GAP43: variants seen among roughly 807,000 people sequenced by gnomAD.
GAP43 encodes growth associated protein 43, also known as neuromodulin.
In GAP43, 6 loss-of-function variants were observed where a neutral mutation model predicts 18.6. That is an observed-to-expected ratio of 0.32 (90% CI 0.18 to 0.64). The LOEUF (loss-of-function observed/expected upper bound fraction) is 0.64, where lower values mean the gene tolerates loss of function less well. GAP43 is among the 30% of genes least tolerant of loss of function. GAP43 has a pLI of 0.78. For missense variants in GAP43, 292 were observed against 295.5 expected, an observed-to-expected ratio of 0.99 and a Z score of 0.09; for synonymous variants, 115 against 111.4, an observed-to-expected ratio of 1.03 and a Z score of -0.20.
intron 2 of GAP43, among the ~76,000 whole-genome samples, chr3:115,688,089 T>C (rs1391752979): frequency 6.6e-6 from 1 of 152,152 alleles, no homozygotes; most frequent in Non-Finnish European, 1.5e-5. Context: ...CAATCTTGGC[T>C]CACCGCAACC....
chr3:115,647,004 T>A (rs1217620190), intron 1 of GAP43, among the ~76,000 whole-genome samples: 1 of 152,010 alleles, frequency 6.6e-6, no homozygotes, highest in Non-Finnish European at 1.5e-5. Flanking sequence ...TGCTATGATT[T>A]GAATGTTAGT....
intron 1 of GAP43, among the ~76,000 whole-genome samples, chr3:115,630,260 G>T (rs1049523290): frequency 6.6e-6 from 1 of 152,162 alleles, no homozygotes; most frequent in Non-Finnish European, 1.5e-5. Context: ...GTGCTTAGGT[G>T]TGTGTGCTCA....
intron 1 of GAP43, among the ~76,000 whole-genome samples, chr3:115,668,510 C>T (rs546767104): frequency 1.1e-4 from 17 of 152,218 alleles, no homozygotes; most frequent in African/African-American, 3.4e-4. Flanking sequence ...TCGCAACCTC[C>T]GCCTCCTGGG....
chr3:115,657,545 GGTC>G (rs1708598570), intron 1 of GAP43, among the ~76,000 whole-genome samples: 1 of 152,094 alleles, frequency 6.6e-6, no homozygotes, highest in African/African-American at 2.4e-5. Context: ...AACCAGATAA[GGTC>G]ACTGCCCTTA....
intron 2 of GAP43, among the ~76,000 whole-genome samples, chr3:115,678,052 C>A (rs1050333810): frequency 1.3e-5 from 2 of 152,172 alleles, no homozygotes; most frequent in African/African-American, 4.8e-5. Flanking sequence ...ACACAACTGT[C>A]CCAGGGGCCA....
At chr3:115,681,644 G>C (rs1028933156) in intron 2 of GAP43, among the ~76,000 whole-genome samples, 5 of 152,150 alleles carry the variant, frequency 3.3e-5, no homozygotes, top group African/African-American at 1.2e-4. Flanking sequence ...GACTACGATA[G>C]TTGGTTTTTA....
rs1352802280 is a variant in GAP43 at position 115,644,035 on chromosome 3, C to G, written c.30+20316C>G. ...TTTCCTTAATCTGAACCAGCAGTAA[C>G]CCATATATTTCTTTCAACCTAGCTG... On this transcript the variant is annotated intron_variant, in intron 1 of 2. Coordinates refer to ENST00000305124, the MANE Select transcript of GAP43 (RefSeq NM_002045.4). The surrounding 1 kb of genome is among the most constrained non-coding windows in gnomAD (Gnocchi z 4.2). Among the ~76,000 whole-genome samples the G allele has an allele frequency of 1.3e-5, 2 of 152,022 alleles. No homozygotes were observed. The highest frequency in any genetic ancestry group is 2.4e-5 in the African/African-American group (1 of 41,430).
chr3:115,684,338 C>A (rs1709007218), intron 2 of GAP43, among the ~76,000 whole-genome samples: 1 of 152,076 alleles, frequency 6.6e-6, no homozygotes, highest in Non-Finnish European at 1.5e-5. Flanking sequence ...ATGTGTGTGT[C>A]TCTCAGATAA....
chr3:115,713,903 G>A (rs1307412092), intron 2 of GAP43, among the ~76,000 whole-genome samples: 2 of 152,202 alleles, frequency 1.3e-5, no homozygotes, highest in African/African-American at 4.8e-5. Context: ...AAACTTCTGA[G>A]ATTCATTCAA....
chr3:115,715,050 C>G (rs1390988884), intron 2 of GAP43, among the ~76,000 whole-genome samples: 1 of 152,102 alleles, frequency 6.6e-6, no homozygotes, highest in East Asian at 1.9e-4. Flanking sequence ...TTGTGTCTTT[C>G]ATAAAGACAC....
At chr3:115,706,564 T>A (rs1008906693) in intron 2 of GAP43, among the ~76,000 whole-genome samples, 3 of 152,176 alleles carry the variant, frequency 2.0e-5, no homozygotes, top group African/African-American at 7.2e-5. Flanking sequence ...ACCATCGATA[T>A]CAGAAAGGTC....
chr3:115,646,283 C>T (rs190203980), intron 1 of GAP43, among the ~76,000 whole-genome samples: 85 of 152,156 alleles, frequency 5.6e-4, no homozygotes, highest in African/African-American at 1.9e-3. Context: ...TTTATATGCA[C>T]AGTGGAAACT....
chr3:115,696,784 C>G (rs1709197155), intron 2 of GAP43, among the ~76,000 whole-genome samples: 1 of 151,986 alleles, frequency 6.6e-6, no homozygotes, highest in Admixed American at 6.6e-5. Flanking sequence ...TTCCCCTTCT[C>G]TTTCCCAGTT....
At chr3:115,646,653 C>T (rs1356980012) in intron 1 of GAP43, among the ~76,000 whole-genome samples, 5 of 151,958 alleles carry the variant, frequency 3.3e-5, no homozygotes, top group African/African-American at 1.2e-4. Context: ...CTTCGGATAT[C>T]TTGAATTAAA....
At chr3:115,695,341 C>G (rs1438631) in intron 2 of GAP43, among the ~76,000 whole-genome samples, 103,676 of 152,058 alleles carry the variant, frequency 0.68, 38,582 homozygotes, top group Middle Eastern at 0.85. Flanking sequence ...AATTTCATCA[C>G]AGTTGCTCAA....
intron 2 of GAP43, among the ~76,000 whole-genome samples, chr3:115,683,178 C>T (rs2107352824): frequency 6.7e-6 from 1 of 149,560 alleles, no homozygotes; most frequent in African/African-American, 2.4e-5. Flanking sequence ...CACACACACA[C>T]ACACACACAC....
chr3:115,659,338 T>G (rs1708627592), intron 1 of GAP43, among the ~76,000 whole-genome samples: 1 of 152,120 alleles, frequency 6.6e-6, no homozygotes, highest in Non-Finnish European at 1.5e-5. Context: ...TTTCTCACTA[T>G]GAAATGCAGG....
At chr3:115,687,528 C>T (rs2107356016) in intron 2 of GAP43, among the ~76,000 whole-genome samples, 1 of 152,194 alleles carries the variant, frequency 6.6e-6, no homozygotes, top group African/African-American at 2.4e-5. Flanking sequence ...ATCATAATCC[C>T]AAAGAAAATT....
At chr3:115,674,001 G>A (rs1030890644) in intron 1 of GAP43, among the ~76,000 whole-genome samples, 5 of 152,156 alleles carry the variant, frequency 3.3e-5, no homozygotes, top group Non-Finnish European at 5.9e-5. Flanking sequence ...TGCAGCAATA[G>A]GTCTGTACGC....
Sources: gnomAD v4.1 joint callset for allele counts (sites outside exome capture counted in the v4.1 genomes callset) on GRCh38, gnomAD v4.1.1 for gene constraint, Gnocchi (gnomAD v3.1) non-coding constraint, MANE v1.5 for transcripts, NCBI Gene and HGNC (gene_info 2026-07-23, HGNC 2026-07-21) for gene names.